Variants in RBFOX3 observed in about 807,000 individuals in gnomAD.
RBFOX3 encodes the protein RNA binding fox-1 homolog 3, also known as RNA binding protein fox-1 homolog 3.
A neutral mutation model predicts 48.7 loss-of-function variants in RBFOX3; 17 were observed. The ratio of observed to expected loss-of-function variants is 0.35; its 90% confidence interval spans 0.24 to 0.52. The LOEUF (loss-of-function observed/expected upper bound fraction) is 0.52. Among genes scored for constraint, RBFOX3 ranks in the 20% least tolerant of loss-of-function variants. RBFOX3 has a pLI of 0.94. For missense variants in RBFOX3, 382 were observed against 497.5 expected, an observed-to-expected ratio of 0.77 and a Z score of 2.21; for synonymous variants, 212 against 209.5, an observed-to-expected ratio of 1.01 and a Z score of -0.10.
At chr17:79,236,132 C>G (rs2147893996) in intron 3 of RBFOX3, among the ~76,000 whole-genome samples, 1 of 152,316 alleles carries the variant, frequency 6.6e-6, no homozygotes, top group East Asian at 1.9e-4. Context: ...AAGCACTCCC[C>G]AGCCTGGTTT....
chr17:79,539,637 G>A (rs1555789641), intron 1 of RBFOX3, among the ~76,000 whole-genome samples: 1 of 152,174 alleles, frequency 6.6e-6, no homozygotes, highest in Non-Finnish European at 1.5e-5. Flanking sequence ...GGAGGTCAGA[G>A]GTCGCCCCAG....
At chr17:79,543,687 C>G (rs1280539013) in intron 1 of RBFOX3, among the ~76,000 whole-genome samples, 4 of 152,226 alleles carry the variant, frequency 2.6e-5, no homozygotes, top group Non-Finnish European at 4.4e-5. Flanking sequence ...ATGAAGCATG[C>G]TGGGCACGTT....
chr17:79,237,080 G>A (rs536623061), intron 3 of RBFOX3, among the ~76,000 whole-genome samples: 5 of 152,150 alleles, frequency 3.3e-5, no homozygotes, highest in South Asian at 2.1e-4. Context: ...GAACCTTTTC[G>A]TTGCTCCAAA....
At chr17:79,416,656 G>A (rs114004890) in intron 2 of RBFOX3, among the ~76,000 whole-genome samples, 2,337 of 152,290 alleles carry the variant, frequency 0.015, 58 homozygotes, top group African/African-American at 0.053. Context: ...AGTGGAGGCC[G>A]GCCCTCCCCC....
intron 1 of RBFOX3, among the ~76,000 whole-genome samples, chr17:79,591,046 G>A (rs2093401824): frequency 6.6e-6 from 1 of 152,196 alleles, no homozygotes; most frequent in African/African-American, 2.4e-5. Flanking sequence ...TGTCTGCCGG[G>A]GACCCTGGGA....
intron 4 of RBFOX3, among the ~76,000 whole-genome samples, chr17:79,170,568 C>T (rs2049064535): frequency 6.6e-6 from 1 of 152,126 alleles, no homozygotes; most frequent in South Asian, 2.1e-4. Flanking sequence ...AGCTGTTCTA[C>T]AGGGACCCCT....
chr17:79,261,309 G>T (rs1275589092), intron 3 of RBFOX3, among the ~76,000 whole-genome samples: 1 of 152,238 alleles, frequency 6.6e-6, no homozygotes, highest in Non-Finnish European at 1.5e-5. Flanking sequence ...ATAAATATGT[G>T]TGAGTAAATG....
chr17:79,444,828 GTTATATA>G (rs1435830449), intron 2 of RBFOX3, among the ~76,000 whole-genome samples: 6 of 151,976 alleles, frequency 3.9e-5, no homozygotes, highest in African/African-American at 1.2e-4. Flanking sequence ...TATATATGCA[GTTATATA>G]TTATATATTC....
intron 1 of RBFOX3, among the ~76,000 whole-genome samples, chr17:79,583,107 G>A (rs940243897): frequency 6.6e-5 from 10 of 152,338 alleles, no homozygotes; most frequent in Non-Finnish European, 8.8e-5. Context: ...AATGAAAGCC[G>A]TACCAAGTCA....
Position 79,089,428 on chromosome 17 carries a change from T to C in RBFOX3, c.*1455A>G, listed in dbSNP as rs191038613. 1,523 of 152,712 alleles carry C rather than the reference T, an allele frequency of 1.0e-2. 13 individuals carry two copies. The highest frequency in any genetic ancestry group is 0.015 in the Non-Finnish European group (1,051 of 68,076). The allele number at this position is 152,712 out of a possible 1,614,324, so 9.5% of individuals were successfully genotyped here. On this transcript the variant is annotated 3_prime_UTR_variant, in exon 15 of 15. Transcript: ENST00000693108. ...GGTCACACCTTGGAAGCATACAGAA[T>C]GGTAAGAAAGGAAGCCCGGGGCTCG...
chr17:79,188,608 G>A lies in RBFOX3; in HGVS notation c.-34+47158C>T, dbSNP rs150212807. 3.2e-3 allele frequency among the ~76,000 whole-genome samples: 484 copies of A among 152,298 alleles called. 3 individuals are homozygous for A. Among genetic ancestry groups the A allele is most frequent in the African/African-American group, 0.011 (450 of 41,562 alleles). On this transcript the variant is annotated intron_variant, in intron 4 of 14. Coordinates refer to ENST00000693108, the MANE Select transcript of RBFOX3 (RefSeq NM_001350451.2). ...CTCTCTTGCAAGTTCCTCTCCCCTC[G>A]GGGGCCCAGGAGCCGGAGGAATGCG...
intron 2 of RBFOX3, among the ~76,000 whole-genome samples, chr17:79,380,095 G>T (rs2059706376): frequency 6.6e-6 from 1 of 151,524 alleles, no homozygotes; most frequent in Non-Finnish European, 1.5e-5. Flanking sequence ...CCTAGTCCAT[G>T]ACCGCATGGC....
intron 1 of RBFOX3, among the ~76,000 whole-genome samples, chr17:79,555,536 T>C (rs1363511608): frequency 6.7e-6 from 1 of 150,370 alleles, no homozygotes; most frequent in East Asian, 2.0e-4. Flanking sequence ...GTAGTTGTGG[T>C]GGTGGTGATG....
At position 79,477,418 on chromosome 17, in the gene RBFOX3, T is replaced by G. The variant is rs1261006551; in HGVS notation, c.-175+5036A>C. On this transcript the variant is annotated intron_variant, in intron 2 of 14. Coordinates refer to ENST00000693108, the MANE Select transcript of RBFOX3 (RefSeq NM_001350451.2). The surrounding 1 kb of genome is among the most constrained non-coding windows in gnomAD (Gnocchi z 4.8). ...AAAAATACAAAACATTAGCCAGACG[T>G]GGTGGCGGGCGCCTGTAGTCCCAGC... 2.6e-5 allele frequency among the ~76,000 whole-genome samples: 4 copies of G among 151,558 alleles called. No homozygotes were observed. Among genetic ancestry groups the G allele is most frequent in the African/African-American group, 9.7e-5 (4 of 41,328 alleles).
intron 2 of RBFOX3, among the ~76,000 whole-genome samples, chr17:79,442,597 C>T (rs1312000505): frequency 6.6e-6 from 1 of 152,074 alleles, no homozygotes; most frequent in Non-Finnish European, 1.5e-5. Flanking sequence ...GAGGGAGCCA[C>T]CTAGGACTCT....
intron 2 of RBFOX3, among the ~76,000 whole-genome samples, chr17:79,429,317 C>T (rs192625682): frequency 1.3e-5 from 2 of 152,328 alleles, no homozygotes; most frequent in African/African-American, 4.8e-5. Flanking sequence ...CTGGGATGGT[C>T]ATGAGTCCCA....
chr17:79,155,861 T>G (rs2045670417), intron 4 of RBFOX3, among the ~76,000 whole-genome samples: 1 of 152,134 alleles, frequency 6.6e-6, no homozygotes, highest in African/African-American at 2.4e-5. Context: ...GGGGTAGAGC[T>G]GTTCCCACCC....
At chr17:79,597,330 T>A (rs1346259179) in intron 1 of RBFOX3, among the ~76,000 whole-genome samples, 2 of 152,174 alleles carry the variant, frequency 1.3e-5, no homozygotes, top group African/African-American at 4.8e-5. Context: ...TGAGAGAGTG[T>A]TGGCCGGGTA....
the RBFOX3 span, among the ~76,000 whole-genome samples, chr17:79,634,845 A>G: frequency 0.018 from 2,733 of 152,002 alleles, 38 homozygotes; most frequent in Middle Eastern, 0.034. Flanking sequence ...AGATCACTTG[A>G]GGTCAGGAGT....
Sources: allele counts gnomAD v4.1 joint callset (sites outside exome capture counted in the v4.1 genomes callset), GRCh38; gene constraint gnomAD v4.1.1; non-coding constraint Gnocchi (gnomAD v3.1); transcripts MANE v1.5; gene names NCBI Gene and HGNC (gene_info 2026-07-23, HGNC 2026-07-21).